Variants in CCNY observed in about 807,000 individuals in gnomAD.
CCNY encodes the protein cyclin Y.
Under a neutral mutation model 42.8 loss-of-function variants are expected in CCNY, and 19 were observed. That is an observed-to-expected ratio of 0.44 (90% CI 0.31 to 0.65). The LOEUF (loss-of-function observed/expected upper bound fraction) is 0.65, where lower values mean the gene tolerates loss of function less well. CCNY is among the 30% of genes least tolerant of loss of function. The probability of loss-of-function intolerance (pLI) is 0.07; values close to 1 mark genes in which losing one functional copy is unlikely to be tolerated. For synonymous variants in CCNY, 165 were observed against 162.7 expected (o/e 1.01, Z -0.11); for missense variants, 370 against 437.3 (o/e 0.85, Z 1.37).
chr10:35,263,356 CAAAAAAAAAAAAA>C (rs71523372), intron 3 of CCNY, among the ~76,000 whole-genome samples: 1 of 44,298 alleles, frequency 2.3e-5, no homozygotes, highest in Non-Finnish European at 4.1e-5. Flanking sequence ...GACTCCGTCT[CAAAAAAAAAAAAA>C]AAAAAAAAAA....
At chr10:35,373,183 G>T (rs1364434424) in intron 1 of CCNY, among the ~76,000 whole-genome samples, 1 of 152,220 alleles carries the variant, frequency 6.6e-6, no homozygotes, top group Non-Finnish European at 1.5e-5. Context: ...TCCTGGTGCG[G>T]TTTTGGGTGA....
chr10:35,553,878 G>C (rs1841311047), intron 8 of CCNY, among the ~76,000 whole-genome samples: 1 of 152,124 alleles, frequency 6.6e-6, no homozygotes, highest in South Asian at 2.1e-4. Context: ...TTGTCTGGGG[G>C]GTCTCTAGGG....
Position 35,379,716 on chromosome 10 carries a change from G to A in CCNY, c.154+42509G>A, listed in dbSNP as rs113001549. ...GGGAAAAGAAGATAATGTGGTGCAG[G>A]AAGGCCCTGAATGCAGGGATGTTGC... is the stretch of plus-strand genomic sequence containing the variant. On this transcript the variant is annotated intron_variant, in intron 1 of 9. Transcript: ENST00000374704. Among the ~76,000 whole-genome samples, 1,054 of 152,324 alleles carry A rather than the reference G, an allele frequency of 6.9e-3. 4 individuals are homozygous for A. Among genetic ancestry groups the A allele is most frequent in the African/African-American group, 0.02 (844 of 41,564 alleles).
chr10:35,393,629 A>C (rs1837461445), intron 1 of CCNY, among the ~76,000 whole-genome samples: 1 of 152,070 alleles, frequency 6.6e-6, no homozygotes, highest in African/African-American at 2.4e-5. Context: ...GCTTCCATCC[A>C]TTCTCTGTGA....
chr10:35,472,065 T>C (rs1464573975), intron 1 of CCNY, among the ~76,000 whole-genome samples: 1 of 152,242 alleles, frequency 6.6e-6, no homozygotes, highest in East Asian at 1.9e-4. Context: ...TTGAGAGTTT[T>C]GTTTCTTTAG....
At chr10:35,466,948 T>C (rs937469226) in intron 1 of CCNY, among the ~76,000 whole-genome samples, 2 of 152,188 alleles carry the variant, frequency 1.3e-5, no homozygotes, top group Non-Finnish European at 2.9e-5. Flanking sequence ...AATTGAATTT[T>C]AAATCTTAAA....
intron 1 of CCNY, 107 bp downstream of exon 1, chr10:35,337,314 C>T (rs990175016): frequency 3.4e-6 from 4 of 1,178,654 alleles, no homozygotes; most frequent in African/African-American, 1.6e-5. Context: ...CTCGGCGACC[C>T]GTGCATAACC....
chr10:35,358,215 C>CTTT (rs34172111), intron 1 of CCNY, among the ~76,000 whole-genome samples: 5 of 135,572 alleles, frequency 3.7e-5, no homozygotes, highest in Admixed American at 7.4e-5. Context: ...TTAAGCAAGT[C>CTTT]TTTTTTTTTT....
At chr10:35,473,685 G>T (rs1479647374) in intron 1 of CCNY, among the ~76,000 whole-genome samples, 1 of 152,176 alleles carries the variant, frequency 6.6e-6, no homozygotes, top group Non-Finnish European at 1.5e-5. Context: ...GCAGTGAAGT[G>T]TATTTTGTCT....
At chr10:35,411,677 C>G (rs1589102772) in intron 1 of CCNY, among the ~76,000 whole-genome samples, 1 of 152,114 alleles carries the variant, frequency 6.6e-6, no homozygotes, top group East Asian at 1.9e-4. Context: ...ATATCTCTTC[C>G]ATCTGACAAC....
At chr10:35,399,460 C>G (rs983152332) in intron 1 of CCNY, among the ~76,000 whole-genome samples, 1 of 152,174 alleles carries the variant, frequency 6.6e-6, no homozygotes, top group Non-Finnish European at 1.5e-5. Flanking sequence ...GACTTACAGA[C>G]CAGCCTGCCT....
chr10:35,554,242 C>G (rs1373461772), intron 8 of CCNY, among the ~76,000 whole-genome samples: 3 of 152,102 alleles, frequency 2.0e-5, no homozygotes. Context: ...CTCCTTGCCT[C>G]TGGTTACTGA....
chr10:35,492,808 TCTC>T (rs1220118750), intron 2 of CCNY, among the ~76,000 whole-genome samples: 8 of 152,222 alleles, frequency 5.3e-5, no homozygotes, highest in Non-Finnish European at 1.2e-4. Flanking sequence ...AGCTTTACCT[TCTC>T]CTACCTTCCC....
At chr10:35,431,048 C>A (rs558793387) in intron 1 of CCNY, among the ~76,000 whole-genome samples, 2 of 150,442 alleles carry the variant, frequency 1.3e-5, no homozygotes, top group Admixed American at 1.3e-4. Flanking sequence ...ACCTGAGAGA[C>A]GGAGGTTGCA....
intron 1 of CCNY, among the ~76,000 whole-genome samples, chr10:35,443,745 C>T (rs982400755): frequency 2.0e-5 from 3 of 152,224 alleles, no homozygotes; most frequent in Non-Finnish European, 2.9e-5. Flanking sequence ...TTTCCCCTGG[C>T]ATACCTGTAC....
chr10:35,429,034 TAAAAATTCGTTTTGCTCAAAA>T (rs1838328776), intron 1 of CCNY, among the ~76,000 whole-genome samples: 1 of 152,230 alleles, frequency 6.6e-6, no homozygotes, highest in Non-Finnish European at 1.5e-5. Flanking sequence ...TTGGGGATTT[TAAAAATTCGTTTTGCTCAAAA>T]ATAATGTGTT....
chr10:35,460,801 A>C (rs1564419846), intron 1 of CCNY, among the ~76,000 whole-genome samples: 1 of 152,184 alleles, frequency 6.6e-6, no homozygotes, highest in Non-Finnish European at 1.5e-5. Flanking sequence ...TCCTTTCATT[A>C]GCCCAGGTTC....
At chr10:35,264,789 G>C (rs1156699583) in intron 3 of CCNY, among the ~76,000 whole-genome samples, 1 of 152,012 alleles carries the variant, frequency 6.6e-6, no homozygotes, top group Non-Finnish European at 1.5e-5. Context: ...TAAGTAGCTG[G>C]GATAACAGGT....
intron 3 of CCNY, among the ~76,000 whole-genome samples, chr10:35,316,963 A>G (rs1394548688): frequency 6.6e-6 from 1 of 152,130 alleles, no homozygotes; most frequent in Non-Finnish European, 1.5e-5. Context: ...CTCCTGCCTC[A>G]GCCTCCCGAG....
Sources: allele counts gnomAD v4.1 joint callset (sites outside exome capture counted in the v4.1 genomes callset), GRCh38; gene constraint gnomAD v4.1.1; transcripts MANE v1.5; gene names NCBI Gene and HGNC (gene_info 2026-07-23, HGNC 2026-07-21).